DTNBP1: variants seen among roughly 807,000 people sequenced by gnomAD.
The protein encoded by DTNBP1 is dystrobrevin binding protein 1.
In DTNBP1, 35 loss-of-function variants were observed where a neutral mutation model predicts 42.8. The observed-to-expected ratio is 0.82, with a 90% CI of 0.63 to 1.09. DTNBP1 has a LOEUF of 1.09. DTNBP1 is among the 50% of genes least tolerant of loss of function. The probability of loss-of-function intolerance (pLI) is 0.00; values close to 1 mark genes in which losing one functional copy is unlikely to be tolerated. For synonymous variants in DTNBP1, 171 were observed against 162.2 expected (o/e 1.05, Z -0.41); for missense variants, 457 against 424.2 (o/e 1.08, Z -0.68).
At chr6:15,566,268 T>A (rs1466106344) in intron 7 of DTNBP1, among the ~76,000 whole-genome samples, 1 of 127,658 alleles carries the variant, frequency 7.8e-6, no homozygotes, top group Non-Finnish European at 1.6e-5. Context: ...TGAGCCGAGA[T>A]CCCGCCACTG....
rs141020758 is a variant in DTNBP1 at position 15,569,631 on chromosome 6, G to T, written c.511+23428C>A. 2.4e-3 allele frequency among the ~76,000 whole-genome samples: 361 copies of T among 152,278 alleles called. 1 individual carries two copies. The highest frequency in any genetic ancestry group is 4.0e-3 in the Non-Finnish European group (273 of 68,020). On this transcript the variant is annotated intron_variant, in intron 7 of 9. Coordinates refer to ENST00000344537, the MANE Select transcript of DTNBP1 (RefSeq NM_032122.5). ...ATGCCAGGCCTTAAGCAACAGACCT[G>T]TTAGGGTCACACCGGCTTCTGCTAA...
At chr6:15,547,159 T>C in intron 7 of DTNBP1, among the ~76,000 whole-genome samples, 1 of 152,142 alleles carries the variant, frequency 6.6e-6, no homozygotes, top group South Asian at 2.1e-4. Flanking sequence ...AAACGCTGCA[T>C]AAAAGACTTT....
At chr6:15,538,028 G>T (rs913896338) in intron 7 of DTNBP1, among the ~76,000 whole-genome samples, 1 of 152,174 alleles carries the variant, frequency 6.6e-6, no homozygotes, top group Non-Finnish European at 1.5e-5. Context: ...TCACAGGGGT[G>T]CAGGGAGAAT....
At chr6:15,592,956 G>A (rs1034986700) in intron 7 of DTNBP1, 103 bp downstream of exon 7, 30 of 1,203,370 alleles carry the variant, frequency 2.5e-5, no homozygotes, top group Non-Finnish European at 3.2e-5. Flanking sequence ...ACTGTTTTAT[G>A]TAAACTGATT....
At chr6:15,564,451 A>C (rs1476807935) in intron 7 of DTNBP1, among the ~76,000 whole-genome samples, 2 of 152,116 alleles carry the variant, frequency 1.3e-5, no homozygotes, top group Non-Finnish European at 2.9e-5. Flanking sequence ...TCTATTGCCC[A>C]GGCTAAAGTA....
At chr6:15,625,922 A>G (rs1759312611) in intron 5 of DTNBP1, among the ~76,000 whole-genome samples, 2 of 152,242 alleles carry the variant, frequency 1.3e-5, no homozygotes, top group African/African-American at 4.8e-5. Flanking sequence ...GAGGAAACCA[A>G]TGCAGACGGC....
chr6:15,523,802 T>C (rs1236062401), intron 9 of DTNBP1: 1 of 1,287,084 alleles, frequency 7.8e-7, no homozygotes, highest in African/African-American at 1.5e-5. Context: ...GCTCCTTCTC[T>C]TCCCCAGGAT....
chr6:15,630,410 A>C (rs1057142627), intron 4 of DTNBP1, among the ~76,000 whole-genome samples: 5 of 152,216 alleles, frequency 3.3e-5, no homozygotes, highest in Non-Finnish European at 7.3e-5. Context: ...AGTCAAATTC[A>C]ACTGGCTTAA....
At position 15,522,856 on chromosome 6, in the gene DTNBP1, A is replaced by G. The variant is rs1010805674; in HGVS notation, c.*119T>C. 5 of 1,550,572 alleles carry G rather than the reference A, an allele frequency of 3.2e-6. No individual in the cohort carries two copies. Among genetic ancestry groups the G allele is most frequent in the East Asian group, 2.2e-5 (1 of 44,590 alleles). Reference sequence around the variant, plus strand: ...TAGCTGTTCTTTAAGTTTCTCACACATTATTGGCAATTATGTAAAAATCAA... The same window carrying G: ...TAGCTGTTCTTTAAGTTTCTCACACGTTATTGGCAATTATGTAAAAATCAA... On this transcript the variant is annotated 3_prime_UTR_variant, in exon 10 of 10. Transcript: ENST00000344537.
chr6:15,580,327 A>G (rs1775773130), intron 7 of DTNBP1, among the ~76,000 whole-genome samples: 2 of 152,380 alleles, frequency 1.3e-5, no homozygotes, highest in Middle Eastern at 3.4e-3. Flanking sequence ...AGTCACAGAC[A>G]TTGCTAATGA....
intron 7 of DTNBP1, among the ~76,000 whole-genome samples, chr6:15,563,080 A>G (rs1451706391): frequency 6.6e-6 from 1 of 152,184 alleles, no homozygotes; most frequent in Non-Finnish European, 1.5e-5. Context: ...ACCTGCTTCT[A>G]GCTCTTCAGA....
At chr6:15,593,898 G>T (rs1776398363) in intron 6 of DTNBP1, among the ~76,000 whole-genome samples, 1 of 152,104 alleles carries the variant, frequency 6.6e-6, no homozygotes, top group Non-Finnish European at 1.5e-5. Flanking sequence ...AAAATCTAGA[G>T]ATGTTTTGAA....
intron 7 of DTNBP1, among the ~76,000 whole-genome samples, chr6:15,586,747 C>T (rs1157319051): frequency 6.6e-6 from 1 of 152,178 alleles, no homozygotes; most frequent in Non-Finnish European, 1.5e-5. Flanking sequence ...CCCCCAGCAC[C>T]CCCACACACA....
At chr6:15,620,222 T>A (rs374892416) in intron 5 of DTNBP1, among the ~76,000 whole-genome samples, 1 of 152,206 alleles carries the variant, frequency 6.6e-6, no homozygotes, top group African/African-American at 2.4e-5. Flanking sequence ...TATGTGATTA[T>A]GGAACGCTTA....
At chr6:15,600,856 G>A (rs1776701273) in intron 6 of DTNBP1, among the ~76,000 whole-genome samples, 1 of 152,212 alleles carries the variant, frequency 6.6e-6, no homozygotes, top group Non-Finnish European at 1.5e-5. Context: ...CTGTTGAGAA[G>A]TCCAGGAATA....
chr6:15,534,659 C>CAAAAA (rs34234744), intron 7 of DTNBP1, among the ~76,000 whole-genome samples: 6 of 99,240 alleles, frequency 6.0e-5, no homozygotes, highest in Admixed American at 1.1e-4. Context: ...GACTCTGTCT[C>CAAAAA]AAAAAAAAAA....
At chr6:15,652,211 T>A in intron 1 of DTNBP1, 71 bp from the exon 2 acceptor site, 4 of 1,285,802 alleles carry the variant, frequency 3.1e-6, no homozygotes, top group Non-Finnish European at 4.4e-6. Context: ...AGACAGGGTC[T>A]CACTCTGTCG....
At chr6:15,573,797 T>C (rs1390074946) in intron 7 of DTNBP1, among the ~76,000 whole-genome samples, 1 of 152,092 alleles carries the variant, frequency 6.6e-6, no homozygotes, top group Non-Finnish European at 1.5e-5. Context: ...AACCTCTGCC[T>C]CCTGGGTTCA....
At chr6:15,656,070 T>C (rs1301360372) in intron 1 of DTNBP1, among the ~76,000 whole-genome samples, 1 of 152,208 alleles carries the variant, frequency 6.6e-6, no homozygotes, top group African/African-American at 2.4e-5. Context: ...ATTCCAAATA[T>C]GACCTTAATG....
Sources: allele counts gnomAD v4.1 joint callset (sites outside exome capture counted in the v4.1 genomes callset), GRCh38; gene constraint gnomAD v4.1.1; transcripts MANE v1.5; gene names NCBI Gene and HGNC (gene_info 2026-07-23, HGNC 2026-07-21).